TCF7L2: variants seen among roughly 807,000 people sequenced by gnomAD.
TCF7L2 encodes transcription factor 7 like 2, also known as transcription factor 7-like 2.
TCF7L2 carries 23 observed loss-of-function variants against 77.9 expected under a neutral mutation model. The observed-to-expected ratio is 0.30, with a 90% confidence interval of 0.21 to 0.42. The LOEUF is 0.42. Ranked by LOEUF, TCF7L2 falls within the 10% of genes least tolerant of loss-of-function variation. The pLI, the probability that TCF7L2 is intolerant of heterozygous loss-of-function variation, is 1.00. For synonymous variants in TCF7L2, 413 were observed against 340.2 expected (o/e 1.21, Z -2.36); for missense variants, 654 against 793.1 (o/e 0.82, Z 2.11).
chr10:113,158,339 A>G (rs1186706140), intron 12 of TCF7L2, among the ~76,000 whole-genome samples: 1 of 152,208 alleles, frequency 6.6e-6, no homozygotes, highest in Non-Finnish European at 1.5e-5. Context: ...ACTGGAGAGC[A>G]AGCGGTAGGC....
At chr10:113,121,735 TACACACAACACAC>T in intron 5 of TCF7L2, among the ~76,000 whole-genome samples, 1 of 150,616 alleles carries the variant, frequency 6.6e-6, no homozygotes, top group Admixed American at 6.6e-5. Flanking sequence ...CACGCACACA[TACACACAACACAC>T]ACACACGTGC....
At chr10:113,089,423 G>T (rs546841410) in intron 5 of TCF7L2, 2 of 1,613,746 alleles carry the variant, frequency 1.2e-6, no homozygotes, top group Non-Finnish European at 1.7e-6. Flanking sequence ...GCTGCACTCA[G>T]GGACATGACT....
chr10:112,984,744 G>A (rs1222599168), intron 4 of TCF7L2, among the ~76,000 whole-genome samples: 1 of 152,148 alleles, frequency 6.6e-6, no homozygotes, highest in Non-Finnish European at 1.5e-5. Flanking sequence ...ACACTCCTAG[G>A]TCTGCTATTA....
rs1592254614 is a variant in TCF7L2, at chr10:113,143,955, T to C, written c.718T>C (p.Ser240Pro). 1 of 1,613,912 alleles carries C rather than the reference T, an allele frequency of 6.2e-7. No individual in the cohort carries two copies. The highest frequency in any genetic ancestry group is 8.5e-7 in the Non-Finnish European group (1 of 1,179,966). Reference sequence around the variant, plus strand: ...ACGGCCTCCGCACCCTCCAGATATATCCCCGTATTACCCACTATCGCCTGG... The same window carrying C: ...ACGGCCTCCGCACCCTCCAGATATACCCCCGTATTACCCACTATCGCCTGG... The change falls in exon 7 of 14, where the codon TCC (serine) becomes CCC (proline). Residue 240 changes from serine to proline, a missense_variant. Physicochemically the swap from Ser to Pro is moderately conservative, Grantham distance 74. This residue lies in a region of TCF7L2 where 179 missense variants were observed against 270.6 expected (regional missense o/e 0.66). Transcript: ENST00000627217.
chr10:113,031,430 A>C (rs990249405), intron 4 of TCF7L2, among the ~76,000 whole-genome samples: 1 of 151,920 alleles, frequency 6.6e-6, no homozygotes, highest in African/African-American at 2.4e-5. Context: ...GGAGTGCATC[A>C]GGAAAAAAGT....
chr10:113,097,656 A>G (rs1385757697), intron 5 of TCF7L2, among the ~76,000 whole-genome samples: 2 of 141,090 alleles, frequency 1.4e-5, no homozygotes, highest in Non-Finnish European at 3.2e-5. Flanking sequence ...GAAAAAAAAA[A>G]AAAAAAAAAA....
intron 3 of TCF7L2, among the ~76,000 whole-genome samples, chr10:112,961,106 C>G (rs914847458): frequency 6.6e-6 from 1 of 152,068 alleles, no homozygotes; most frequent in African/African-American, 2.4e-5. Context: ...CTCCCCCTCC[C>G]GGGTTCAAGC....
In TCF7L2 at chr10:112,950,411, C is replaced by A. The variant is rs1001099300; in HGVS notation, c.-346C>A. On this transcript the variant is annotated 5_prime_UTR_variant, in exon 1 of 14. Coordinates refer to ENST00000627217, the MANE Select transcript of TCF7L2 (RefSeq NM_001146274.2). ...CTCCTGTATCTTCGGCTTCCCCCCC[C>A]CTTTGCTCTTTATATCTGACTTCTT... 5.8e-5 allele frequency: 13 copies of A among 225,448 alleles called. No individual in the cohort carries two copies. The highest frequency in any genetic ancestry group is 9.2e-5 in the African/African-American group (4 of 43,250). The allele number at this position is 225,448 out of a possible 1,614,324, so 14.0% of individuals were successfully genotyped here. A position where few individuals can be genotyped will look rare whatever the true frequency, so the allele number is the denominator to read the frequency against.
At chr10:113,063,573 G>A (rs1355117251) in intron 5 of TCF7L2, among the ~76,000 whole-genome samples, 1 of 152,094 alleles carries the variant, frequency 6.6e-6, no homozygotes, top group African/African-American at 2.4e-5. Flanking sequence ...GAGGGAGTGT[G>A]AGTTCTGAGG....
At chr10:113,036,169 C>CT (rs2051207113) in intron 4 of TCF7L2, among the ~76,000 whole-genome samples, 1 of 150,382 alleles carries the variant, frequency 6.6e-6, no homozygotes, top group African/African-American at 2.5e-5. Context: ...ATCATCTGCC[C>CT]TTTAAGTTTT....
At chr10:113,064,309 G>C (rs1028430498) in intron 5 of TCF7L2, among the ~76,000 whole-genome samples, 1 of 152,212 alleles carries the variant, frequency 6.6e-6, no homozygotes. Flanking sequence ...AGCTGGTTCC[G>C]TGCTCTGCAG....
chr10:113,079,838 A>G (rs1361930321), intron 5 of TCF7L2, among the ~76,000 whole-genome samples: 1 of 152,004 alleles, frequency 6.6e-6, no homozygotes, highest in Non-Finnish European at 1.5e-5. Context: ...TTGTATTTTT[A>G]GTAGAGATGG....
intron 5 of TCF7L2, among the ~76,000 whole-genome samples, chr10:113,117,457 C>T (rs187289869): frequency 2.0e-4 from 23 of 116,674 alleles, no homozygotes; most frequent in African/African-American, 6.9e-4. Flanking sequence ...CTCTCTCTCT[C>T]TTCTCCCCCC....
chr10:113,022,734 G>A (rs1409697656), intron 4 of TCF7L2, among the ~76,000 whole-genome samples: 1 of 152,114 alleles, frequency 6.6e-6, no homozygotes, highest in Non-Finnish European at 1.5e-5. Flanking sequence ...CCTTACACCA[G>A]GTACAATGCC....
chr10:113,089,622 G>A (rs752102986), intron 5 of TCF7L2: 93 of 1,530,518 alleles, frequency 6.1e-5, no homozygotes, highest in Non-Finnish European at 7.8e-5. Context: ...CTCTCTCTAG[G>A]GCAGGGCCCA....
intron 4 of TCF7L2, among the ~76,000 whole-genome samples, chr10:113,005,201 G>A (rs1590289244): frequency 6.6e-6 from 1 of 152,210 alleles, no homozygotes; most frequent in African/African-American, 2.4e-5. Flanking sequence ...GGTCTACCAC[G>A]CCGCCTGATC....
At chr10:113,084,740 A>T (rs1251087850) in intron 5 of TCF7L2, among the ~76,000 whole-genome samples, 1 of 152,018 alleles carries the variant, frequency 6.6e-6, no homozygotes, top group Non-Finnish European at 1.5e-5. Context: ...ACCAAAAAAA[A>T]TACAAACATT....
intron 5 of TCF7L2, among the ~76,000 whole-genome samples, chr10:113,115,705 A>G (rs919176300): frequency 6.6e-6 from 1 of 152,180 alleles, no homozygotes; most frequent in Non-Finnish European, 1.5e-5. Flanking sequence ...TAATAGATCA[A>G]GAGCACTGGA....
intron 4 of TCF7L2, among the ~76,000 whole-genome samples, chr10:113,019,672 C>T (rs2047957332): frequency 6.6e-6 from 1 of 152,094 alleles, no homozygotes; most frequent in Admixed American, 6.6e-5. Flanking sequence ...GGGTCCAATC[C>T]ACTTGGAGAA....
Sources: allele counts gnomAD v4.1 joint callset (sites outside exome capture counted in the v4.1 genomes callset), GRCh38; gene constraint gnomAD v4.1.1; regional missense constraint gnomAD v4.1.1; transcripts MANE v1.5; gene names NCBI Gene and HGNC (gene_info 2026-07-23, HGNC 2026-07-21).